Variants in REG4 observed in about 807,000 individuals in gnomAD.
REG4 encodes regenerating islet-derived protein 4.
A neutral mutation model predicts 22.3 loss-of-function variants in REG4; 16 were observed. The ratio of observed to expected loss-of-function variants is 0.72; its 90% confidence interval spans 0.49 to 1.09. The LOEUF is 1.09. Ranked by LOEUF, REG4 falls within the 50% of genes least tolerant of loss-of-function variation. The probability of loss-of-function intolerance (pLI) is 0.00; values close to 1 mark genes in which losing one functional copy is unlikely to be tolerated. For missense variants in REG4, 214 were observed against 193.9 expected (o/e 1.10, Z -0.61); for synonymous variants, 71 against 69.2 (o/e 1.03, Z -0.13).
chr1:119,802,307 T>C (rs1191947555), intron 3 of REG4: 1 of 981,810 alleles, frequency 1.0e-6, no homozygotes, highest in Non-Finnish European at 1.2e-6. Context: ...CTGGGCTTTC[T>C]AAGGCGGGAG....
At chr1:119,798,653 C>G (rs748237444) in intron 4 of REG4, 51 bp from the exon 5 acceptor site, 1 of 1,449,742 alleles carries the variant, frequency 6.9e-7, no homozygotes, top group Non-Finnish European at 9.7e-7. Flanking sequence ...CCACCTGCCA[C>G]AGCCAAGGAA....
At chr1:119,809,209 T>A (rs935512249) in intron 1 of REG4, 1 of 153,686 alleles carries the variant, frequency 6.5e-6, no homozygotes, top group Non-Finnish European at 1.4e-5. Flanking sequence ...CATTCTGTTG[T>A]CAAGAAAATC....
chr1:119,805,801 T>TC (rs1318865933), intron 2 of REG4, among the ~76,000 whole-genome samples: 1 of 151,964 alleles, frequency 6.6e-6, no homozygotes, highest in African/African-American at 2.4e-5. Flanking sequence ...ATTCTTTTTC[T>TC]CCCCCTCCTC....
intron 3 of REG4, chr1:119,802,724 T>C (rs912098956): frequency 3.5e-6 from 5 of 1,435,950 alleles, no homozygotes; most frequent in Non-Finnish European, 4.6e-6. Context: ...GTACAGAAAC[T>C]CCATTATCCT....
At chr1:119,802,703 T>C in intron 3 of REG4, 1 of 1,426,078 alleles carries the variant, frequency 7.0e-7, no homozygotes. Context: ...ACTCTCTTTC[T>C]GGTAAATCTT....
chr1:119,803,190 C>T (rs1488226116), intron 2 of REG4, 25 bp from the exon 3 acceptor site: 2 of 1,501,652 alleles, frequency 1.3e-6, no homozygotes, highest in Admixed American at 4.8e-5. Flanking sequence ...AAGGCAATTG[C>T]ACATTATGAT....
intron 2 of REG4, among the ~76,000 whole-genome samples, chr1:119,805,830 C>G (rs917978255): frequency 3.3e-5 from 5 of 152,144 alleles, no homozygotes; most frequent in African/African-American, 1.2e-4. Flanking sequence ...CTTCATCTCT[C>G]TCCCCTCCCC....
chr1:119,799,935 G>C, intron 3 of REG4, 73 bp from the exon 4 acceptor site: 1 of 1,565,942 alleles, frequency 6.4e-7, no homozygotes, highest in East Asian at 2.3e-5. Flanking sequence ...GAACGCTAGC[G>C]TGCCAAGAAG....
chr1:119,803,241 T>G (rs1654179386), intron 2 of REG4, 76 bp from the exon 3 acceptor site: 1 of 1,416,976 alleles, frequency 7.1e-7, no homozygotes, highest in Non-Finnish European at 9.3e-7. Flanking sequence ...CAGTTTGCAA[T>G]CAGGAACCCC....
chr1:119,805,878 A>T (rs1654298360), intron 2 of REG4, among the ~76,000 whole-genome samples: 1 of 150,980 alleles, frequency 6.6e-6, no homozygotes, highest in Non-Finnish European at 1.5e-5. Context: ...TGTGGCCGTG[A>T]GCTCCTTGGT....
chr1:119,799,434 AC>A (rs1445281070), intron 4 of REG4, among the ~76,000 whole-genome samples: 1 of 151,770 alleles, frequency 6.6e-6, no homozygotes, highest in African/African-American at 2.4e-5. Context: ...ACACACACAC[AC>A]ACACACACAC....
At chr1:119,802,326 C>T in intron 3 of REG4, 1 of 985,604 alleles carries the variant, frequency 1.0e-6, no homozygotes, top group Non-Finnish European at 1.2e-6. Context: ...AGAATACCTT[C>T]ATAGCCTCAG....
intron 4 of REG4, 38 bp from the exon 5 acceptor site, chr1:119,798,640 A>T: frequency 6.5e-7 from 1 of 1,544,650 alleles, no homozygotes; most frequent in Non-Finnish European, 8.9e-7. Context: ...ACAGCTCAGC[A>T]ACCCACCTGC....
At chr1:119,795,513 A>C (rs1265846773) in intron 5 of REG4, among the ~76,000 whole-genome samples, 1 of 152,222 alleles carries the variant, frequency 6.6e-6, no homozygotes, top group Non-Finnish European at 1.5e-5. Flanking sequence ...GGTGAGATCC[A>C]ACTATTTCCC....
intron 4 of REG4, among the ~76,000 whole-genome samples, chr1:119,799,361 G>T (rs1654028847): frequency 6.6e-6 from 1 of 151,740 alleles, no homozygotes; most frequent in Non-Finnish European, 1.5e-5. Flanking sequence ...TTTAACTCAA[G>T]ATCCAATGGA....
intron 3 of REG4, 30 bp downstream of exon 3, chr1:119,803,038 G>C: frequency 6.2e-7 from 1 of 1,611,428 alleles, no homozygotes; most frequent in Non-Finnish European, 8.5e-7. Flanking sequence ...CTCTAGAAAG[G>C]CCAGGCCAAG....
At chr1:119,795,404 A>G (rs1218818272) in intron 5 of REG4, among the ~76,000 whole-genome samples, 1 of 152,224 alleles carries the variant, frequency 6.6e-6, no homozygotes, top group African/African-American at 2.4e-5. Context: ...AAGAACTGAA[A>G]GCTGCTAAAG....
rs1030527807 is a variant in REG4, at chr1:119,808,787, G to A, written c.-18C>T. 1 of 1,600,602 alleles carries A rather than the reference G, an allele frequency of 6.2e-7. No homozygotes were observed. Among genetic ancestry groups the A allele is most frequent in the African/African-American group, 1.3e-5 (1 of 74,598 alleles). Reference sequence around the variant, plus strand: ...GAAGCCATCTTCCTCCTACCCTGAGGATGTAGCTAGTGCAAGGATCTCAGA... The same window carrying A: ...GAAGCCATCTTCCTCCTACCCTGAGAATGTAGCTAGTGCAAGGATCTCAGA... On this transcript the variant is annotated 5_prime_UTR_variant, in exon 2 of 6. Transcript: ENST00000256585.
At chr1:119,810,697 A>C (rs1171463048) in intron 1 of REG4, among the ~76,000 whole-genome samples, 1 of 152,206 alleles carries the variant, frequency 6.6e-6, no homozygotes, top group East Asian at 1.9e-4. Context: ...CTTTTTTACT[A>C]ATCTGTGAAT....
Sources: allele counts gnomAD v4.1 joint callset (sites outside exome capture counted in the v4.1 genomes callset), GRCh38; gene constraint gnomAD v4.1.1; transcripts MANE v1.5; gene names NCBI Gene and HGNC (gene_info 2026-07-23, HGNC 2026-07-21).